The following ACTL8 variants were observed in gnomAD, a reference collection of about 807,000 sequenced individuals.
ACTL8 encodes the protein actin-like protein 8.
In ACTL8, 3 loss-of-function variants were observed where a neutral mutation model predicts 9.3. The observed-to-expected ratio is 0.32, with a 90% CI of 0.15 to 0.83. ACTL8 has a LOEUF of 0.83. Among genes scored for constraint, ACTL8 ranks in the 40% least tolerant of loss-of-function variants. The probability of loss-of-function intolerance (pLI) is 0.57; values close to 1 mark genes in which losing one functional copy is unlikely to be tolerated. For missense variants in ACTL8, 381 were observed against 492.2 expected, an observed-to-expected ratio of 0.77 and a Z score of 2.14; for synonymous variants, 224 against 205.9, an observed-to-expected ratio of 1.09 and a Z score of -0.75.
chr1:17,771,295 T>A (rs1361565184), intron 1 of ACTL8, among the ~76,000 whole-genome samples: 1 of 152,188 alleles, frequency 6.6e-6, no homozygotes, highest in Non-Finnish European at 1.5e-5. Flanking sequence ...AGTCTTCTTC[T>A]GATTTTTTTT....
chr1:17,784,347 C>T (rs1208362778), intron 1 of ACTL8, among the ~76,000 whole-genome samples: 1 of 152,186 alleles, frequency 6.6e-6, no homozygotes, highest in Non-Finnish European at 1.5e-5. Flanking sequence ...CACCAGGTCC[C>T]TTCTCCAACA....
At position 17,823,375 on chromosome 1, in the gene ACTL8, T is replaced by C. The variant is rs1221921113; in HGVS notation, c.348+19T>C. On this transcript the variant is annotated intron_variant, in intron 2 of 2. Coordinates refer to ENST00000375406, the MANE Select transcript of ACTL8 (RefSeq NM_030812.3). The surrounding 1 kb of genome is among the most constrained non-coding windows in gnomAD (Gnocchi z 5.3). ...GCTGGAGGTGAGGCCTGCCGGGGCC[T>C]GCTCCCACTCGGGAGCGGGAAACAG... is the stretch of plus-strand genomic sequence containing the variant. 4.4e-6 allele frequency: 7 copies of C among 1,598,242 alleles called. No homozygotes were observed. The highest frequency in any genetic ancestry group is 6.0e-6 in the Non-Finnish European group (7 of 1,171,198).
At chr1:17,797,155 C>G (rs2066283049) in intron 1 of ACTL8, among the ~76,000 whole-genome samples, 1 of 151,942 alleles carries the variant, frequency 6.6e-6, no homozygotes, top group African/African-American at 2.4e-5. Context: ...GATCCAAATC[C>G]CTCCCGCCTC....
intron 1 of ACTL8, among the ~76,000 whole-genome samples, chr1:17,801,945 A>G (rs2102693190): frequency 6.6e-6 from 1 of 152,286 alleles, no homozygotes; most frequent in South Asian, 2.1e-4. Context: ...GGTCATATGA[A>G]TTGTTCAGGG....
chr1:17,821,556 A>G (rs1156283667), intron 1 of ACTL8, among the ~76,000 whole-genome samples: 1 of 152,178 alleles, frequency 6.6e-6, no homozygotes, highest in Non-Finnish European at 1.5e-5. Flanking sequence ...CTTGTCAAAG[A>G]GCAAATGACA....
At chr1:17,816,119 T>A (rs1243278208) in intron 1 of ACTL8, among the ~76,000 whole-genome samples, 1 of 152,174 alleles carries the variant, frequency 6.6e-6, no homozygotes, top group African/African-American at 2.4e-5. Flanking sequence ...CAGAACTTAC[T>A]GTCAGCGAAT....
At chr1:17,803,918 G>A (rs2066340614) in intron 1 of ACTL8, among the ~76,000 whole-genome samples, 1 of 152,162 alleles carries the variant, frequency 6.6e-6, no homozygotes, top group South Asian at 2.1e-4. Context: ...CTCAGTTTTT[G>A]TACCTGTAAG....
intron 1 of ACTL8, among the ~76,000 whole-genome samples, chr1:17,755,892 C>G (rs114752748): frequency 0.018 from 2,719 of 150,520 alleles, 92 homozygotes; most frequent in African/African-American, 0.063. Flanking sequence ...CTGGAGGTCT[C>G]TATCTCAGCC....
intron 1 of ACTL8, among the ~76,000 whole-genome samples, chr1:17,778,001 C>T (rs921218346): frequency 6.6e-6 from 1 of 152,198 alleles, no homozygotes; most frequent in African/African-American, 2.4e-5. Flanking sequence ...CCTAGCCCCG[C>T]CGCCTTTTTC....
chr1:17,786,687 G>A (rs897741672), intron 1 of ACTL8, among the ~76,000 whole-genome samples: 1 of 152,066 alleles, frequency 6.6e-6, no homozygotes, highest in African/African-American at 2.4e-5. Context: ...CCTTTTGATA[G>A]ACAATTTTAT....
At chr1:17,825,198 T>C (rs547185977) in intron 2 of ACTL8, among the ~76,000 whole-genome samples, 59 of 152,278 alleles carry the variant, frequency 3.9e-4, no homozygotes, top group Non-Finnish European at 5.4e-4. Flanking sequence ...AAGGTTTTTA[T>C]TTAAAAGAAA....
chr1:17,810,960 G>T (rs1048365674), intron 1 of ACTL8, among the ~76,000 whole-genome samples: 2 of 152,158 alleles, frequency 1.3e-5, no homozygotes, highest in Non-Finnish European at 2.9e-5. Flanking sequence ...TTGGTGTAAG[G>T]GTTTTTGTGT....
chr1:17,772,281 C>T (rs1054332929), intron 1 of ACTL8, among the ~76,000 whole-genome samples: 9 of 152,150 alleles, frequency 5.9e-5, no homozygotes, highest in South Asian at 2.1e-4. Context: ...CACTTTGGAT[C>T]GGGAGTTATG....
chr1:17,782,063 C>T (rs868678801), intron 1 of ACTL8, among the ~76,000 whole-genome samples: 8 of 152,100 alleles, frequency 5.3e-5, no homozygotes, highest in African/African-American at 1.9e-4. Flanking sequence ...TTTTTTGGAT[C>T]TATTCCCACA....
intron 1 of ACTL8, among the ~76,000 whole-genome samples, chr1:17,760,321 A>G (rs1031340407): frequency 1.7e-4 from 26 of 152,160 alleles, no homozygotes; most frequent in African/African-American, 5.8e-4. Context: ...CCAGTCTTCA[A>G]TTCCCCAGAT....
chr1:17,764,386 CA>C (rs984388186), intron 1 of ACTL8, among the ~76,000 whole-genome samples: 98 of 152,316 alleles, frequency 6.4e-4, no homozygotes, highest in African/African-American at 2.3e-3. Context: ...GTGGGCAAGC[CA>C]GGGGGGACTG....
rs760070256 is a variant in ACTL8 at position 17,786,355 on chromosome 1, G to T, written c.-25+30851G>T. The stretch of plus-strand genomic sequence containing the variant: ...GATCACTGGGTTCGCCTTCAGGCGT[G>T]TCTGCCTTGGTGAGTTTAGTAAGCT... On this transcript the variant is annotated intron_variant, in intron 1 of 2. Transcript: ENST00000375406. Among the ~76,000 whole-genome samples the T allele has an allele frequency of 2.0e-5, 3 of 152,246 alleles. No homozygotes were observed. The East Asian group carries it at 5.8e-4, about 29-fold the overall frequency.
At chr1:17,760,668 G>A (rs538493005) in intron 1 of ACTL8, among the ~76,000 whole-genome samples, 4 of 152,310 alleles carry the variant, frequency 2.6e-5, no homozygotes, top group African/African-American at 9.6e-5. Context: ...GGGCACAGCT[G>A]CCCGTTGCTG....
chr1:17,763,530 G>C (rs1211768180), intron 1 of ACTL8, among the ~76,000 whole-genome samples: 1 of 152,058 alleles, frequency 6.6e-6, no homozygotes, highest in Non-Finnish European at 1.5e-5. Flanking sequence ...GCCCCTCCCC[G>C]TGTCCCCTGC....
Sources: allele counts gnomAD v4.1 joint callset (sites outside exome capture counted in the v4.1 genomes callset), GRCh38; gene constraint gnomAD v4.1.1; non-coding constraint Gnocchi (gnomAD v3.1); transcripts MANE v1.5; gene names NCBI Gene and HGNC (gene_info 2026-07-23, HGNC 2026-07-21).